Variants in MOB3B observed in about 807,000 individuals in gnomAD.
The protein encoded by MOB3B is MOB kinase activator-like 2B.
Under a neutral mutation model 18.7 loss-of-function variants are expected in MOB3B, and 7 were observed. That is an observed-to-expected ratio of 0.37 (90% CI 0.21 to 0.70). The LOEUF is 0.70. Ranked by LOEUF, MOB3B falls within the 30% of genes least tolerant of loss-of-function variation. MOB3B has a pLI of 0.52. For synonymous variants in MOB3B, 111 were observed against 99.9 expected (o/e 1.11, Z -0.66); for missense variants, 253 against 281.3 (o/e 0.90, Z 0.72).
chr9:27,434,654 A>G (rs1171915859), intron 2 of MOB3B, among the ~76,000 whole-genome samples: 2 of 151,948 alleles, frequency 1.3e-5, no homozygotes, highest in Non-Finnish European at 2.9e-5. Flanking sequence ...AAGATTCTCA[A>G]TCTCAGTAAA....
chr9:27,332,321 G>A (rs1820801495), intron 3 of MOB3B, among the ~76,000 whole-genome samples: 2 of 152,176 alleles, frequency 1.3e-5, no homozygotes, highest in Admixed American at 6.5e-5. Flanking sequence ...CACAGACAAG[G>A]AAAACAAGAT....
intron 2 of MOB3B, among the ~76,000 whole-genome samples, chr9:27,384,822 C>G (rs1360912468): frequency 1.3e-5 from 2 of 152,186 alleles, no homozygotes; most frequent in Non-Finnish European, 2.9e-5. Flanking sequence ...GAGACGGGTC[C>G]TTCTGGCCCA....
intron 3 of MOB3B, among the ~76,000 whole-genome samples, chr9:27,341,770 T>C (rs552170791): frequency 1.3e-5 from 2 of 152,242 alleles, no homozygotes; most frequent in South Asian, 2.1e-4. Flanking sequence ...TTGGAAAGGT[T>C]AGTGACTTGC....
intron 1 of MOB3B, among the ~76,000 whole-genome samples, chr9:27,462,017 A>T (rs1293024313): frequency 2.0e-5 from 3 of 152,248 alleles, no homozygotes; most frequent in Admixed American, 1.3e-4. Flanking sequence ...TTCCTTCTGG[A>T]CACCAGTACC....
At chr9:27,371,734 G>T (rs1392961023) in intron 2 of MOB3B, among the ~76,000 whole-genome samples, 1 of 152,044 alleles carries the variant, frequency 6.6e-6, no homozygotes, top group Admixed American at 6.6e-5. Flanking sequence ...AGTGTATTAT[G>T]CAGGAAAGGA....
At chr9:27,343,562 T>C (rs1820987761) in intron 3 of MOB3B, among the ~76,000 whole-genome samples, 1 of 151,498 alleles carries the variant, frequency 6.6e-6, no homozygotes, top group African/African-American at 2.4e-5. Context: ...TTCCTTATTC[T>C]CAGACTCCCA....
chr9:27,400,962 A>C (rs993539213), intron 2 of MOB3B, among the ~76,000 whole-genome samples: 1 of 152,216 alleles, frequency 6.6e-6, no homozygotes, highest in Admixed American at 6.5e-5. Flanking sequence ...TTGTGATACA[A>C]ATTATTTTAT....
At chr9:27,363,562 C>G (rs972836495) in intron 2 of MOB3B, among the ~76,000 whole-genome samples, 3 of 151,060 alleles carry the variant, frequency 2.0e-5, no homozygotes, top group Non-Finnish European at 2.9e-5. Flanking sequence ...TCCACCACGC[C>G]CGGCTCAGTT....
intron 1 of MOB3B, among the ~76,000 whole-genome samples, chr9:27,527,029 A>G (rs180871460): frequency 6.9e-6 from 1 of 144,732 alleles, no homozygotes; most frequent in Non-Finnish European, 1.5e-5. Flanking sequence ...TTCCAAGGAA[A>G]TAGGTTTATG....
intron 2 of MOB3B, among the ~76,000 whole-genome samples, chr9:27,372,575 G>A (rs960609871): frequency 6.6e-6 from 1 of 152,160 alleles, no homozygotes; most frequent in South Asian, 2.1e-4. Context: ...GATCAATCGT[G>A]TTCATAGAAT....
chr9:27,505,796 G>A (rs1049310792), intron 1 of MOB3B, among the ~76,000 whole-genome samples: 14 of 152,320 alleles, frequency 9.2e-5, no homozygotes, highest in Admixed American at 8.5e-4. Context: ...CACGTGCAAA[G>A]TATATGAAGT....
At chr9:27,478,368 A>G (rs1819593097) in intron 1 of MOB3B, among the ~76,000 whole-genome samples, 1 of 152,226 alleles carries the variant, frequency 6.6e-6, no homozygotes, top group South Asian at 2.1e-4. Context: ...GAATAATCTG[A>G]CAGGATCTAT....
chr9:27,353,399 T>C (rs1888381), intron 3 of MOB3B, among the ~76,000 whole-genome samples: 64,005 of 152,048 alleles, frequency 0.42, 13,695 homozygotes, highest in Middle Eastern at 0.5. Context: ...AATGTACTTA[T>C]GAAGTACTTC....
intron 2 of MOB3B, among the ~76,000 whole-genome samples, chr9:27,444,238 GGGAAGGAA>G (rs1224881943): frequency 9.3e-5 from 10 of 107,912 alleles, no homozygotes; most frequent in East Asian, 2.8e-4. Context: ...GAGGGAGGGA[GGGAAGGAA>G]GGAAGGAAGG....
intron 1 of MOB3B, among the ~76,000 whole-genome samples, chr9:27,492,947 T>A (rs1163606938): frequency 6.6e-6 from 1 of 152,156 alleles, no homozygotes; most frequent in Non-Finnish European, 1.5e-5. Context: ...AAAATGGGGA[T>A]AAGTATTCCT....
chr9:27,425,407 AAAAAC>A (rs1044908055), intron 2 of MOB3B, among the ~76,000 whole-genome samples: 23 of 147,452 alleles, frequency 1.6e-4, no homozygotes, highest in African/African-American at 5.2e-4. Flanking sequence ...ACAACAACAA[AAAAAC>A]AAAGTCACTG....
chr9:27,369,934 TCC>T (rs1312836504), intron 2 of MOB3B, among the ~76,000 whole-genome samples: 24 of 110,262 alleles, frequency 2.2e-4, no homozygotes, highest in Admixed American at 1.6e-3. Flanking sequence ...CTTTTAATTG[TCC>T]TTTTTTTTTT....
At chr9:27,492,264 A>C (rs929889418) in intron 1 of MOB3B, among the ~76,000 whole-genome samples, 1 of 152,202 alleles carries the variant, frequency 6.6e-6, no homozygotes, top group Admixed American at 6.5e-5. Flanking sequence ...ATATATCTGC[A>C]TAAGGTTCAC....
At chr9:27,477,191 T>A (rs1424295742) in intron 1 of MOB3B, among the ~76,000 whole-genome samples, 1 of 152,216 alleles carries the variant, frequency 6.6e-6, no homozygotes, top group East Asian at 1.9e-4. Flanking sequence ...TTTCATTGTT[T>A]CCTTGACCTC....
Sources: allele counts gnomAD v4.1 joint callset (sites outside exome capture counted in the v4.1 genomes callset), GRCh38; gene constraint gnomAD v4.1.1; transcripts MANE v1.5; gene names NCBI Gene and HGNC (gene_info 2026-07-23, HGNC 2026-07-21).